RFTN1: variants seen among roughly 807,000 people sequenced by gnomAD.
RFTN1 encodes raftlin.
Under a neutral mutation model 46.5 loss-of-function variants are expected in RFTN1, and 26 were observed. That is an observed-to-expected ratio of 0.56 (90% confidence interval 0.41 to 0.78). The LOEUF is 0.78. RFTN1 is among the 30% of genes least tolerant of loss of function. The pLI is 0.00. For synonymous variants in RFTN1, 261 were observed against 284.2 expected, an observed-to-expected ratio of 0.92 and a Z score of 0.82; for missense variants, 693 against 718.7, an observed-to-expected ratio of 0.96 and a Z score of 0.41.
In RFTN1 at chr3:16,509,704, T is replaced by C. The variant is rs896803758; in HGVS notation, c.-9+3738A>G. Among the ~76,000 whole-genome samples the C allele has an allele frequency of 2.0e-5, 3 of 152,142 alleles. No homozygotes were observed. The highest frequency in any genetic ancestry group is 4.4e-5 in the Non-Finnish European group (3 of 68,016). On this transcript the variant is annotated intron_variant, in intron 1 of 9. Coordinates refer to ENST00000334133, the MANE Select transcript of RFTN1 (RefSeq NM_015150.2). The surrounding 1 kb of genome is among the most constrained non-coding windows in gnomAD (Gnocchi z 4.9). ...GTAAAGTGCCCTCGAGTAAAATACA[T>C]CCTGGGGCCCTGACATCTTGACACC...
At position 16,380,596 on chromosome 3, in the gene RFTN1, G is replaced by C. The variant is rs1287052645; in HGVS notation, c.442-2494C>G. The stretch of plus-strand genomic sequence containing the variant: ...TTCTCAAAGTGTGGGCCCCAGACCA[G>C]AGCATCAGCATCCCCTGGGAACCTG... On this transcript the variant is annotated intron_variant, in intron 4 of 9. Coordinates refer to ENST00000334133, the MANE Select transcript of RFTN1 (RefSeq NM_015150.2). The surrounding 1 kb of genome is among the most constrained non-coding windows in gnomAD (Gnocchi z 4.8). Among the ~76,000 whole-genome samples, 5 of 152,184 alleles carry C rather than the reference G, an allele frequency of 3.3e-5. No homozygotes were observed. The highest frequency in any genetic ancestry group is 1.9e-4 in the East Asian group (1 of 5,192).
rs200678350 is a variant in RFTN1, at chr3:16,483,759, TAA to T, written c.145+9964_145+9965del. ...TTTTTTCTGCCATCTCCACTCAAAT[TAA>T]AAAAAAAAAAATTGTACTCCACATG... On this transcript the variant is annotated intron_variant, in intron 2 of 9. Transcript: ENST00000334133. This position sits in a 1 kb window ranked among gnomAD's most constrained non-coding sequence, Gnocchi z 4.8. 6.1e-5 allele frequency among the ~76,000 whole-genome samples: 9 copies of T among 146,678 alleles called. No homozygotes were observed. Among genetic ancestry groups the T allele is most frequent in the South Asian group, 2.1e-4 (1 of 4,664 alleles).
intron 9 of RFTN1, among the ~76,000 whole-genome samples, chr3:16,319,679 T>C (rs1326633108): frequency 1.3e-5 from 2 of 152,176 alleles, no homozygotes; most frequent in Non-Finnish European, 2.9e-5. Flanking sequence ...CTGTAGAAGA[T>C]CACATCTTGT....
chr3:16,408,308 T>C (rs1052316382), intron 4 of RFTN1, among the ~76,000 whole-genome samples: 1 of 152,174 alleles, frequency 6.6e-6, no homozygotes, highest in East Asian at 1.9e-4. Flanking sequence ...CGGCCACTTC[T>C]GCTGGTAACA....
At chr3:16,365,432 A>G (rs1242845807) in intron 6 of RFTN1, among the ~76,000 whole-genome samples, 1 of 152,144 alleles carries the variant, frequency 6.6e-6, no homozygotes, top group African/African-American at 2.4e-5. Context: ...TATAAAATAT[A>G]TACCCCACAT....
chr3:16,324,460 T>G (rs2069454397), intron 8 of RFTN1, among the ~76,000 whole-genome samples: 1 of 152,152 alleles, frequency 6.6e-6, no homozygotes, highest in Admixed American at 6.5e-5. Context: ...CAGCCTCTGG[T>G]AAACACCATT....
chr3:16,494,152 C>A (rs527874368), intron 1 of RFTN1, among the ~76,000 whole-genome samples: 3 of 152,002 alleles, frequency 2.0e-5, no homozygotes, highest in Non-Finnish European at 2.9e-5. Flanking sequence ...CTTTTTTCCC[C>A]ATCTGAGGAA....
rs1426957951 is a variant in RFTN1, at chr3:16,381,921, C to T, written c.442-3819G>A. 6.6e-6 allele frequency among the ~76,000 whole-genome samples: 1 copy of T among 152,154 alleles called. No individual in the cohort carries two copies. On this transcript the variant is annotated intron_variant, in intron 4 of 9. Transcript: ENST00000334133. This position sits in a 1 kb window ranked among gnomAD's most constrained non-coding sequence, Gnocchi z 4.2. ...CCCACCACAGTCATAACCTCAAGAG[C>T]AGAGGAGAGTGGGAGTCTGAGGGAA...
At chr3:16,496,625 G>A (rs2076630572) in intron 1 of RFTN1, among the ~76,000 whole-genome samples, 1 of 152,196 alleles carries the variant, frequency 6.6e-6, no homozygotes. Flanking sequence ...CCCCTACACT[G>A]ATGGTGAGAG....
rs1019990144 is a variant in RFTN1, at chr3:16,387,282, C to T, written c.442-9180G>A. Among the ~76,000 whole-genome samples the T allele has an allele frequency of 1.3e-5, 2 of 152,248 alleles. No individual in the cohort carries two copies. Among genetic ancestry groups the T allele is most frequent in the African/African-American group, 4.8e-5 (2 of 41,472 alleles). ...AGGCCACACGGCCACCCTGCAGTGG[C>T]TCCCTTCCTCCCTGATCAGCTGTCT... On this transcript the variant is annotated intron_variant, in intron 4 of 9. Coordinates refer to ENST00000334133, the MANE Select transcript of RFTN1 (RefSeq NM_015150.2). The surrounding 1 kb of genome is among the most constrained non-coding windows in gnomAD (Gnocchi z 5.2).
rs1027462797 is a variant in RFTN1, at chr3:16,433,205, C to A, written c.332+646G>T. On this transcript the variant is annotated intron_variant, in intron 3 of 9. Transcript: ENST00000334133. The surrounding 1 kb of genome is among the most constrained non-coding windows in gnomAD (Gnocchi z 4.4). ...TTTTTTAAAAAAATTAATATTGTTC[C>A]TTTTGAAAGACTAACCCCACTTCTC... is the stretch of plus-strand genomic sequence containing the variant. Among the ~76,000 whole-genome samples the A allele has an allele frequency of 6.6e-6, 1 of 150,724 alleles. No individual in the cohort carries two copies. Among genetic ancestry groups the A allele is most frequent in the Non-Finnish European group, 1.5e-5 (1 of 67,812 alleles).
chr3:16,497,138 G>A (rs2076638337), intron 1 of RFTN1, among the ~76,000 whole-genome samples: 1 of 152,132 alleles, frequency 6.6e-6, no homozygotes, highest in South Asian at 2.1e-4. Context: ...CTTGATCTGG[G>A]TGTCAGTTTG....
intron 1 of RFTN1, among the ~76,000 whole-genome samples, chr3:16,503,462 G>A (rs1412249869): frequency 6.6e-6 from 1 of 152,114 alleles, no homozygotes; most frequent in Non-Finnish European, 1.5e-5. Flanking sequence ...TTTAGGGGTG[G>A]GGCCAGAGCA....
intron 4 of RFTN1, among the ~76,000 whole-genome samples, chr3:16,388,843 G>A (rs1166751165): frequency 6.6e-6 from 1 of 152,178 alleles, no homozygotes; most frequent in Admixed American, 6.5e-5. Context: ...GAGTTGCTGA[G>A]GTTGACAACC....
At position 16,450,414 on chromosome 3, in the gene RFTN1, G is replaced by A. The variant is rs1189310104; in HGVS notation, c.146-16377C>T. Among the ~76,000 whole-genome samples the A allele has an allele frequency of 6.6e-6, 1 of 152,228 alleles. No homozygotes were observed. The highest frequency in any genetic ancestry group is 1.5e-5 in the Non-Finnish European group (1 of 68,036). ...GGTGCACAGAGGTGGTGGCCTCAGA[G>A]AAGGAAGGCAGGTAGGATAAGAGCC... On this transcript the variant is annotated intron_variant, in intron 2 of 9. Transcript: ENST00000334133. This position sits in a 1 kb window ranked among gnomAD's most constrained non-coding sequence, Gnocchi z 4.6.
chr3:16,375,938 G>T (rs576332997), intron 5 of RFTN1, among the ~76,000 whole-genome samples: 1 of 152,314 alleles, frequency 6.6e-6, no homozygotes, highest in Admixed American at 6.5e-5. Context: ...GGTGAGGAAG[G>T]TGAGTGGCCA....
chr3:16,498,106 C>G lies in RFTN1; in HGVS notation c.-8-4229G>C, dbSNP rs572065593. ...GGACATAAAGGGGCTCTGGGCAAAT[C>G]ATCCATGTGATCAGACACAGAAAAG... On this transcript the variant is annotated intron_variant, in intron 1 of 9. Coordinates refer to ENST00000334133, the MANE Select transcript of RFTN1 (RefSeq NM_015150.2). The surrounding 1 kb of genome is among the most constrained non-coding windows in gnomAD (Gnocchi z 5.2). Among the ~76,000 whole-genome samples the G allele has an allele frequency of 4.6e-5, 7 of 152,316 alleles. No homozygotes were observed. In the East Asian group the frequency reaches 1.4e-3, roughly 29 times the overall value.
In RFTN1 at chr3:16,474,684, A is replaced by G. The variant is rs759531805; in HGVS notation, c.145+19041T>C. Among the ~76,000 whole-genome samples, 1 of 152,234 alleles carries G rather than the reference A, an allele frequency of 6.6e-6. No individual in the cohort carries two copies. The highest frequency in any genetic ancestry group is 1.5e-5 in the Non-Finnish European group (1 of 68,044). ...TGCAATGCAGTGTTAAAGTCAAAAGAACCTTAGCCACTACTGTATTTGCAA... is the reference window on the plus strand; with the variant it reads ...TGCAATGCAGTGTTAAAGTCAAAAGGACCTTAGCCACTACTGTATTTGCAA... On this transcript the variant is annotated intron_variant, in intron 2 of 9. Transcript: ENST00000334133. This position sits in a 1 kb window ranked among gnomAD's most constrained non-coding sequence, Gnocchi z 5.5.
In RFTN1 at chr3:16,447,428, A is replaced by G. The variant is rs1290759355; in HGVS notation, c.146-13391T>C. Among the ~76,000 whole-genome samples, 1 of 152,256 alleles carries G rather than the reference A, an allele frequency of 6.6e-6. No individual in the cohort carries two copies. The highest frequency in any genetic ancestry group is 1.5e-5 in the Non-Finnish European group (1 of 68,046). The stretch of plus-strand genomic sequence containing the variant: ...ACACGAGTTGAGCAGCTCCGGCTCC[A>G]TTAACCAATTTGCATGCAAAATCGA... On this transcript the variant is annotated intron_variant, in intron 2 of 9. Transcript: ENST00000334133. This position sits in a 1 kb window ranked among gnomAD's most constrained non-coding sequence, Gnocchi z 5.9.
Sources: allele counts gnomAD v4.1 joint callset (sites outside exome capture counted in the v4.1 genomes callset), GRCh38; gene constraint gnomAD v4.1.1; non-coding constraint Gnocchi (gnomAD v3.1); transcripts MANE v1.5; gene names NCBI Gene and HGNC (gene_info 2026-07-23, HGNC 2026-07-21).